The following NUMB variants were observed in gnomAD, a reference collection of about 807,000 sequenced individuals.
NUMB encodes protein numb homolog.
NUMB carries 29 observed loss-of-function variants against 59.7 expected under a neutral mutation model. That is an observed-to-expected ratio of 0.49 (90% confidence interval 0.36 to 0.66). NUMB has a LOEUF of 0.66. Ranked by LOEUF, NUMB falls within the 30% of genes least tolerant of loss-of-function variation. NUMB has a pLI of 0.00. For synonymous variants in NUMB, 288 were observed against 288.2 expected, an observed-to-expected ratio of 1.00 and a Z score of 0.01; for missense variants, 723 against 822.0, an observed-to-expected ratio of 0.88 and a Z score of 1.47.
chr14:73,372,309 A>ATATATATATATATATATATATAACCTTT (rs1894722103), intron 2 of NUMB, among the ~76,000 whole-genome samples: 1 of 86,866 alleles, frequency 1.2e-5, no homozygotes, highest in African/African-American at 6.1e-5. Context: ...TTTCTTTTAT[A>ATATATATATATATATATATATAACCTTT]TATATATATA....
chr14:73,277,399 C>A (rs1045907972), intron 12 of NUMB, 106 bp from the exon 13 acceptor site: 3 of 881,584 alleles, frequency 3.4e-6, no homozygotes, highest in Admixed American at 2.9e-5. Flanking sequence ...ATGTCCCCCC[C>A]TAATGGGACA....
At position 73,292,779 on chromosome 14, in the gene NUMB, G is replaced by T. The variant is rs755125675; in HGVS notation, c.405C>A (p.Thr135=). The T allele has an allele frequency of 6.2e-7, 1 of 1,614,204 alleles. No homozygotes were observed. The highest frequency in any genetic ancestry group is 8.5e-7 in the Non-Finnish European group (1 of 1,180,024). The change falls in exon 8 of 13, where the codon ACC becomes ACA. Residue 135 remains threonine, a synonymous_variant. Coordinates refer to ENST00000555238, the MANE Select transcript of NUMB (RefSeq NM_001005743.2). ...RAFSYICRDG[T]TRRWICHCFM... is the part of the protein sequence containing the mutation. ...AGCAGTGACAGATCCAGCGACGAGTGGTGCCATCACGGCATATGTAAGAAA... is the reference window on the plus strand; with the variant it reads ...AGCAGTGACAGATCCAGCGACGAGTTGTGCCATCACGGCATATGTAAGAAA...
chr14:73,383,575 C>T (rs899273875), intron 2 of NUMB, among the ~76,000 whole-genome samples: 1 of 151,966 alleles, frequency 6.6e-6, no homozygotes, highest in African/African-American at 2.4e-5. Context: ...ATATTCCAAA[C>T]CTGACAAAAG....
intron 1 of NUMB, among the ~76,000 whole-genome samples, chr14:73,452,590 G>C (rs975942138): frequency 2.6e-5 from 4 of 152,160 alleles, no homozygotes; most frequent in African/African-American, 9.7e-5. Context: ...TAGAGAGGGG[G>C]AAGTCACTGA....
intron 2 of NUMB, among the ~76,000 whole-genome samples, chr14:73,381,858 G>C (rs956776251): frequency 2.0e-5 from 3 of 151,966 alleles, no homozygotes; most frequent in African/African-American, 7.2e-5. Flanking sequence ...AATAAATAAT[G>C]CAAGTAAGAG....
chr14:73,292,005 G>C (rs568832880), intron 8 of NUMB, among the ~76,000 whole-genome samples: 331 of 152,056 alleles, frequency 2.2e-3, no homozygotes, highest in African/African-American at 7.6e-3. Context: ...TTTTATAATA[G>C]TTGAAAGTAT....
At chr14:73,390,500 C>G (rs1895785092) in intron 2 of NUMB, among the ~76,000 whole-genome samples, 1 of 151,970 alleles carries the variant, frequency 6.6e-6, no homozygotes, top group Non-Finnish European at 1.5e-5. Context: ...TTCTTTGAAG[C>G]CTTCCCCAAT....
chr14:73,331,259 T>C (rs930843781), intron 4 of NUMB, among the ~76,000 whole-genome samples: 2 of 152,186 alleles, frequency 1.3e-5, no homozygotes, highest in African/African-American at 4.8e-5. Context: ...TGAAATTTGC[T>C]TCTAGACTGG....
chr14:73,339,808 AT>A (rs1367632919), intron 4 of NUMB, among the ~76,000 whole-genome samples: 3 of 152,116 alleles, frequency 2.0e-5, no homozygotes, highest in East Asian at 1.9e-4. Flanking sequence ...GGCAAAGGCT[AT>A]TTATTCAGAG....
rs1891499085 is a variant in NUMB, at chr14:73,323,297, C to T, written c.127-93G>A. 8 of 789,398 alleles carry T rather than the reference C, an allele frequency of 1.0e-5. No homozygotes were observed. The South Asian group carries it at 1.1e-4, about 11-fold the overall frequency. The allele number at this position is 789,398 out of a possible 1,614,324, so 48.9% of individuals were successfully genotyped here. On this transcript the variant is annotated intron_variant, in intron 4 of 12. Coordinates refer to ENST00000555238, the MANE Select transcript of NUMB (RefSeq NM_001005743.2). ...AGGTGAAAATTGAATACAGGTTGAACATTCCAAATCTGAAAAAATTTGAAA... is the reference window on the plus strand; with the variant it reads ...AGGTGAAAATTGAATACAGGTTGAATATTCCAAATCTGAAAAAATTTGAAA...
chr14:73,457,700 G>C (rs1232418275), intron 1 of NUMB: 2 of 152,268 alleles, frequency 1.3e-5, no homozygotes, highest in East Asian at 3.8e-4. Context: ...GAGCCGGAGC[G>C]GCCAGGCCAG....
chr14:73,350,794 G>A (rs117475019), intron 4 of NUMB, among the ~76,000 whole-genome samples: 6 of 151,654 alleles, frequency 4.0e-5, no homozygotes, highest in East Asian at 3.9e-4. Context: ...CTCCCAAAGT[G>A]TTGAGATTAC....
At chr14:73,379,052 G>A (rs1014101689) in intron 2 of NUMB, among the ~76,000 whole-genome samples, 1 of 152,094 alleles carries the variant, frequency 6.6e-6, no homozygotes, top group Non-Finnish European at 1.5e-5. Flanking sequence ...CTTAAAAATT[G>A]CCACCAGATT....
chr14:73,436,230 A>T (rs1256047309), intron 1 of NUMB, among the ~76,000 whole-genome samples: 1 of 152,220 alleles, frequency 6.6e-6, no homozygotes, highest in Admixed American at 6.5e-5. Flanking sequence ...CTAGTTGAAG[A>T]TCATTTTGAT....
chr14:73,302,696 G>A (rs1161434111), intron 6 of NUMB, among the ~76,000 whole-genome samples: 1 of 151,996 alleles, frequency 6.6e-6, no homozygotes, highest in Non-Finnish European at 1.5e-5. Flanking sequence ...ACAGGCATGA[G>A]CCACTGCGCC....
At chr14:73,419,349 A>G (rs1897261289) in intron 1 of NUMB, among the ~76,000 whole-genome samples, 2 of 152,146 alleles carry the variant, frequency 1.3e-5, no homozygotes, top group African/African-American at 4.8e-5. Flanking sequence ...TCTCTACTAA[A>G]AATACAAAAA....
At chr14:73,323,518 T>C (rs540514676) in intron 4 of NUMB, among the ~76,000 whole-genome samples, 37 of 152,358 alleles carry the variant, frequency 2.4e-4, no homozygotes, top group African/African-American at 8.9e-4. Context: ...AGTGAAGAAG[T>C]ACACAGTAGG....
chr14:73,416,278 GA>G (rs1897123566), intron 1 of NUMB, among the ~76,000 whole-genome samples: 1 of 150,560 alleles, frequency 6.6e-6, no homozygotes, highest in Non-Finnish European at 1.5e-5. Flanking sequence ...ATGCTTAAGG[GA>G]AAAAATTATG....
At chr14:73,279,109 CTT>C (rs997004045) in intron 12 of NUMB, among the ~76,000 whole-genome samples, 170 bp downstream of exon 12, 9 of 152,224 alleles carry the variant, frequency 5.9e-5, no homozygotes, top group Non-Finnish European at 1.0e-4. Context: ...AGTCTGATCT[CTT>C]TTGTTCTCCT....
Sources: allele counts gnomAD v4.1 joint callset (sites outside exome capture counted in the v4.1 genomes callset), GRCh38; gene constraint gnomAD v4.1.1; transcripts MANE v1.5; gene names NCBI Gene and HGNC (gene_info 2026-07-23, HGNC 2026-07-21).